NIN: variants seen among roughly 807,000 people sequenced by gnomAD.
NIN encodes glycogen synthase kinase 3 beta-interacting protein.
Under a neutral mutation model 257.6 loss-of-function variants are expected in NIN, and 137 were observed. That is an observed-to-expected ratio of 0.53 (90% CI 0.46 to 0.61). The LOEUF (loss-of-function observed/expected upper bound fraction) is 0.61, where lower values mean the gene tolerates loss of function less well. Among genes scored for constraint, NIN ranks in the 20% least tolerant of loss-of-function variants. NIN has a pLI of 0.00. For synonymous variants in NIN, 918 were observed against 919.8 expected, an observed-to-expected ratio of 1.00 and a Z score of 0.04; for missense variants, 2,439 against 2,501.2, an observed-to-expected ratio of 0.98 and a Z score of 0.53.
In NIN at chr14:50,731,604, G is replaced by A. The variant is rs142815009; in HGVS notation, c.5878-1881C>T. Among the ~76,000 whole-genome samples, 1,194 of 152,018 alleles carry A rather than the reference G, an allele frequency of 7.9e-3. 18 individuals are homozygous for A. Among genetic ancestry groups the A allele is most frequent in the African/African-American group, 0.027 (1,108 of 41,414 alleles). Reference sequence around the variant, plus strand: ...TAATCCCAGCACTCTGGGAGGCCAAGGCAGGTGGATCACGAGGTCAGGAGA... The same window carrying A: ...TAATCCCAGCACTCTGGGAGGCCAAAGCAGGTGGATCACGAGGTCAGGAGA... On this transcript the variant is annotated intron_variant, in intron 28 of 30. Coordinates refer to ENST00000530997, the MANE Select transcript of NIN (RefSeq NM_020921.4).
At chr14:50,824,909 A>C (rs3759527) in intron 2 of NIN, among the ~76,000 whole-genome samples, 60,800 of 152,180 alleles carry the variant, frequency 0.4, 13,521 homozygotes, top group Non-Finnish European at 0.51. Context: ...CCAATCTGTA[A>C]CATGCAGCGC....
intron 3 of NIN, among the ~76,000 whole-genome samples, chr14:50,813,296 A>C (rs540706612): frequency 6.6e-6 from 1 of 152,256 alleles, no homozygotes; most frequent in African/African-American, 2.4e-5. Context: ...CAAGTTTCCA[A>C]GTTGTGCATA....
At position 50,825,521 on chromosome 14, in the gene NIN, T is replaced by C. The variant is rs544713088; in HGVS notation, c.-21-3444A>G. Among the ~76,000 whole-genome samples, 7 of 152,362 alleles carry C rather than the reference T, an allele frequency of 4.6e-5. No homozygotes were observed. In the East Asian group the frequency reaches 1.3e-3, roughly 29 times the overall value. Reference sequence around the variant, plus strand: ...CATCTCATTTAATCCTCCCAAATCTTAGAAGTGGATCTTCTCATTTTCCCA... The same window carrying C: ...CATCTCATTTAATCCTCCCAAATCTCAGAAGTGGATCTTCTCATTTTCCCA... On this transcript the variant is annotated intron_variant, in intron 2 of 30. Transcript: ENST00000530997.
At chr14:50,831,237 A>C (rs9323195), upstream of NIN, 144,180 of 151,590 alleles carry the variant, frequency 0.95, 68,989 homozygotes, top group East Asian at 1. Context: ...CGCGCGGCTC[A>C]GGCAGCGGAG....
At chr14:50,734,606 G>GA in intron 28 of NIN, among the ~76,000 whole-genome samples, 1 of 152,110 alleles carries the variant, frequency 6.6e-6, no homozygotes, top group Non-Finnish European at 1.5e-5. Flanking sequence ...ATTAAACTCG[G>GA]TATTCAGAAA....
chr14:50,759,969 C>G lies in NIN; in HGVS notation c.2287G>C (p.Glu763Gln). The G allele has an allele frequency of 6.2e-7, 1 of 1,614,204 alleles. No homozygotes were observed. Among genetic ancestry groups the G allele is most frequent in the South Asian group, 1.1e-5 (1 of 91,074 alleles). Residue 763 changes from glutamate to glutamine, a missense_variant, in exon 17 of 31, where the codon GAG (glutamate) becomes CAG (glutamine). Around this residue, in one of 3 missense-constraint regions of NIN, gnomAD observed 2,043 missense variants for 2,050.2 expected, o/e 1.00. Transcript: ENST00000530997. ...EKVRGLTQEL[E>Q]QFHQEQLTSL... Reference sequence around the variant, plus strand: ...GTCAGCTGCTCCTGGTGAAACTGCTCTAGTTCCTGAGTCAAGCCTCTCACC... The same window carrying G: ...GTCAGCTGCTCCTGGTGAAACTGCTGTAGTTCCTGAGTCAAGCCTCTCACC...
At chr14:50,765,347 C>T (rs1446070905) in intron 14 of NIN, among the ~76,000 whole-genome samples, 1 of 152,152 alleles carries the variant, frequency 6.6e-6, no homozygotes, top group East Asian at 1.9e-4. Flanking sequence ...GAAAATACCT[C>T]TATTTAATTA....
At chr14:50,727,085 A>G in intron 29 of NIN, 1 of 275,782 alleles carries the variant, frequency 3.6e-6, no homozygotes, top group Non-Finnish European at 5.5e-6. Flanking sequence ...AAAGGCCTAT[A>G]TTTAAAAAAA....
intron 28 of NIN, among the ~76,000 whole-genome samples, chr14:50,735,208 T>C (rs966664202): frequency 1.3e-5 from 2 of 152,206 alleles, no homozygotes; most frequent in Non-Finnish European, 2.9e-5. Context: ...AACATGGTGA[T>C]GGCAAGAGTG....
In NIN at chr14:50,757,642, T is replaced by G. The variant is rs767279613; in HGVS notation, c.3388A>C (p.Asn1130His). 1.1e-5 allele frequency: 18 copies of G among 1,614,000 alleles called. No homozygotes were observed. The East Asian group carries it at 3.6e-4, about 32-fold the overall frequency. ...ACACCTTCTACTTGCTTCGTTCGGT[T>G]TTGCTGTAAAAACTGCTCTGTTTGT... is the stretch of plus-strand genomic sequence containing the variant. Reference protein sequence around the residue: ...AEQTEQFLQQNRTKQVEGVTR... With the variant: ...AEQTEQFLQQHRTKQVEGVTR... The change falls in exon 18 of 31, where the codon AAC becomes CAC. Residue 1130 changes from asparagine (N) to histidine (H), a missense_variant. Coordinates refer to ENST00000530997, the MANE Select transcript of NIN (RefSeq NM_020921.4).
chr14:50,766,207 G>C, intron 14 of NIN, 100 bp downstream of exon 14: 4 of 840,630 alleles, frequency 4.8e-6, no homozygotes, highest in Non-Finnish European at 8.0e-6. Flanking sequence ...AGTACCCACA[G>C]ATGAAGTGAC....
chr14:50,772,217 T>A, intron 9 of NIN, 84 bp downstream of exon 9: 1 of 1,255,688 alleles, frequency 8.0e-7, no homozygotes, highest in Non-Finnish European at 1.1e-6. Flanking sequence ...AGAAAGAAAA[T>A]CAAATCACAG....
chr14:50,737,953 A>AT (rs768094370), intron 27 of NIN, among the ~76,000 whole-genome samples, 187 bp downstream of exon 27: 4 of 151,990 alleles, frequency 2.6e-5, no homozygotes, highest in Admixed American at 1.3e-4. Flanking sequence ...CCAAACTGTT[A>AT]TTTTTTCAAC....
At position 50,721,619 on chromosome 14, in the gene NIN, C is replaced by T. The variant is rs75666341; in HGVS notation, c.*1844G>A. 1.9e-4 allele frequency: 42 copies of T among 218,728 alleles called. No homozygotes were observed. The East Asian group carries it at 2.3e-3, about 12-fold the overall frequency. The allele number at this position is 218,728 out of a possible 1,614,324, so 13.5% of individuals were successfully genotyped here. A position where few individuals can be genotyped will look rare whatever the true frequency, so the allele number is the denominator to read the frequency against. On this transcript the variant is annotated 3_prime_UTR_variant, in exon 31 of 31. Coordinates refer to ENST00000530997, the MANE Select transcript of NIN (RefSeq NM_020921.4). ...GTCAAACACTTACTAGAAATGTCTGCACCACAGAAGAAAGATCTAAAGAAG... is the reference window on the plus strand; with the variant it reads ...GTCAAACACTTACTAGAAATGTCTGTACCACAGAAGAAAGATCTAAAGAAG...
intron 3 of NIN, among the ~76,000 whole-genome samples, chr14:50,811,260 C>T (rs551444721): frequency 2.0e-5 from 3 of 151,906 alleles, no homozygotes; most frequent in Admixed American, 1.3e-4. Context: ...AGGCGCCCAC[C>T]ACCACGCCCA....
At chr14:50,736,402 G>C (rs1159822369) in intron 27 of NIN, among the ~76,000 whole-genome samples, 1 of 152,024 alleles carries the variant, frequency 6.6e-6, no homozygotes, top group Admixed American at 6.6e-5. Context: ...CTCCCAAAGT[G>C]CTGGGATTAC....
intron 28 of NIN, among the ~76,000 whole-genome samples, chr14:50,732,405 A>G (rs1018921830): frequency 6.6e-6 from 1 of 152,074 alleles, no homozygotes; most frequent in African/African-American, 2.4e-5. Flanking sequence ...CCCCAAATTA[A>G]CCTACTCTAT....
At chr14:50,806,886 G>A in intron 3 of NIN, 68 bp from the exon 4 acceptor site, 1 of 715,846 alleles carries the variant, frequency 1.4e-6, no homozygotes, top group South Asian at 1.9e-5. Context: ...TATCTACAAG[G>A]TACCAAAACT....
intron 28 of NIN, among the ~76,000 whole-genome samples, chr14:50,730,327 G>C (rs370419241): frequency 1.3e-5 from 2 of 152,142 alleles, no homozygotes; most frequent in African/African-American, 4.8e-5. Context: ...GGAGAACATG[G>C]AATGGAAGTA....
Sources: gnomAD v4.1 joint callset for allele counts (sites outside exome capture counted in the v4.1 genomes callset) on GRCh38, gnomAD v4.1.1 for gene constraint, gnomAD v4.1.1 regional missense constraint, MANE v1.5 for transcripts, NCBI Gene and HGNC (gene_info 2026-07-23, HGNC 2026-07-21) for gene names.